SPTLC3: variants seen among roughly 807,000 people sequenced by gnomAD.
SPTLC3 encodes the protein serine palmitoyltransferase long chain base subunit 3.
A neutral mutation model predicts 59.3 loss-of-function variants in SPTLC3; 36 were observed. The ratio of observed to expected loss-of-function variants is 0.61; its 90% CI spans 0.47 to 0.80. The LOEUF is 0.80. Among genes scored for constraint, SPTLC3 ranks in the 30% least tolerant of loss-of-function variants. The pLI is 0.00. For missense variants in SPTLC3, 625 were observed against 685.1 expected, an observed-to-expected ratio of 0.91 and a Z score of 0.98; for synonymous variants, 257 against 240.8, an observed-to-expected ratio of 1.07 and a Z score of -0.62.
At chr20:13,124,214 A>G (rs1206843398) in intron 8 of SPTLC3, among the ~76,000 whole-genome samples, 1 of 152,038 alleles carries the variant, frequency 6.6e-6, no homozygotes, top group Non-Finnish European at 1.5e-5. Context: ...GACTAGCCTT[A>G]TGGTCCCTTT....
At chr20:13,037,008 C>A (rs1415049720) in intron 1 of SPTLC3, among the ~76,000 whole-genome samples, 1 of 152,110 alleles carries the variant, frequency 6.6e-6, no homozygotes, top group Non-Finnish European at 1.5e-5. Context: ...TAATCGAAAA[C>A]CAGTATTTTC....
At chr20:13,069,761 C>T (rs567005939) in intron 2 of SPTLC3, among the ~76,000 whole-genome samples, 1 of 152,170 alleles carries the variant, frequency 6.6e-6, no homozygotes, top group Non-Finnish European at 1.5e-5. Flanking sequence ...AGTTCCAAAT[C>T]TGAAATTAAT....
At chr20:13,129,364 A>G (rs1410520182) in intron 9 of SPTLC3, among the ~76,000 whole-genome samples, 1 of 152,170 alleles carries the variant, frequency 6.6e-6, no homozygotes, top group Non-Finnish European at 1.5e-5. Flanking sequence ...TTTCCTCCAC[A>G]AGCTTTCTGC....
rs143377269 is a variant in SPTLC3 at position 13,135,580 on chromosome 20, T to G, written c.1279+8863T>G. 1.5e-3 allele frequency among the ~76,000 whole-genome samples: 235 copies of G among 152,356 alleles called. 1 individual carries two copies. Among genetic ancestry groups the G allele is most frequent in the African/African-American group, 5.4e-3 (226 of 41,592 alleles). ...CTATATATCTTACCAAGCACTTACT[T>G]TGCCTACTGGCTACTGTGTAGTTTT... On this transcript the variant is annotated intron_variant, in intron 9 of 11. Transcript: ENST00000399002.
At chr20:13,036,797 C>G (rs1479532275) in intron 1 of SPTLC3, among the ~76,000 whole-genome samples, 1 of 152,102 alleles carries the variant, frequency 6.6e-6, no homozygotes, top group African/African-American at 2.4e-5. Flanking sequence ...GTCCTGCCCC[C>G]TCCACTGAGA....
chr20:13,059,177 A>G (rs1190998441), intron 2 of SPTLC3, among the ~76,000 whole-genome samples: 1 of 152,230 alleles, frequency 6.6e-6, no homozygotes, highest in African/African-American at 2.4e-5. Flanking sequence ...GTTAAATTCA[A>G]AAAACTACAT....
chr20:13,042,001 G>T (rs1290083928), intron 1 of SPTLC3, among the ~76,000 whole-genome samples: 2 of 152,154 alleles, frequency 1.3e-5, no homozygotes, highest in African/African-American at 4.8e-5. Context: ...CTTGCTGCCG[G>T]ATTGCTCTAT....
intron 5 of SPTLC3, among the ~76,000 whole-genome samples, chr20:13,093,239 A>G (rs1989292401): frequency 6.6e-6 from 1 of 152,208 alleles, no homozygotes; most frequent in African/African-American, 2.4e-5. Flanking sequence ...GAACTTCTCT[A>G]CTGAAAACTA....
intron 1 of SPTLC3, among the ~76,000 whole-genome samples, chr20:13,031,880 A>G (rs1397718472): frequency 6.6e-6 from 1 of 152,188 alleles, no homozygotes; most frequent in Non-Finnish European, 1.5e-5. Context: ...TGTGGATTTG[A>G]GAGGATCAAC....
chr20:13,031,726 T>C (rs1986470990), intron 1 of SPTLC3, among the ~76,000 whole-genome samples: 1 of 152,162 alleles, frequency 6.6e-6, no homozygotes, highest in Admixed American at 6.6e-5. Context: ...GAAGTCAAGC[T>C]TTGCACAGTG....
chr20:13,125,228 C>G (rs2037961182), intron 8 of SPTLC3, among the ~76,000 whole-genome samples: 1 of 152,152 alleles, frequency 6.6e-6, no homozygotes, highest in African/African-American at 2.4e-5. Flanking sequence ...TTACTTGGGA[C>G]CTTATATTTG....
chr20:13,040,122 C>G (rs1986913828), intron 1 of SPTLC3, among the ~76,000 whole-genome samples: 2 of 151,008 alleles, frequency 1.3e-5, no homozygotes, highest in African/African-American at 4.9e-5. Context: ...CATCAACTTT[C>G]TTATTTATCT....
intron 6 of SPTLC3, among the ~76,000 whole-genome samples, chr20:13,109,063 C>T (rs1011757861): frequency 5.3e-5 from 8 of 152,080 alleles, no homozygotes; most frequent in South Asian, 4.1e-4. Flanking sequence ...TCTTGCTAGG[C>T]TTAAATGTTA....
chr20:13,128,871 A>AT lies in SPTLC3; in HGVS notation c.1279+2175dup, dbSNP rs35981991. 2.7e-3 allele frequency among the ~76,000 whole-genome samples: 311 copies of AT among 114,212 alleles called. 1 individual carries two copies. Among genetic ancestry groups the AT allele is most frequent in the East Asian group, 7.4e-3 (30 of 4,040 alleles). The allele number at this position is 114,212 out of a possible 152,430, so 74.9% of individuals were successfully genotyped here. On this transcript the variant is annotated intron_variant, in intron 9 of 11. Transcript: ENST00000399002. ...AGGCATGCACCACCATGCCCAGCTA[A>AT]TTTTTTTTTTTTTTTTTTTTTGGAG...
chr20:13,015,595 T>G (rs1985488262), intron 1 of SPTLC3, among the ~76,000 whole-genome samples: 1 of 152,174 alleles, frequency 6.6e-6, no homozygotes, highest in Non-Finnish European at 1.5e-5. Flanking sequence ...AGTTTCTGTG[T>G]AAGTCCAGTA....
intron 4 of SPTLC3, among the ~76,000 whole-genome samples, chr20:13,080,375 G>T (rs1019251902): frequency 6.6e-6 from 1 of 151,976 alleles, no homozygotes; most frequent in Non-Finnish European, 1.5e-5. Context: ...GGATGTGGTG[G>T]CATGCGCCTG....
chr20:13,093,470 T>G lies in SPTLC3; in HGVS notation c.733-14T>G. 6.2e-7 allele frequency: 1 copy of G among 1,611,472 alleles called. No individual in the cohort carries two copies. Among genetic ancestry groups the G allele is most frequent in the Non-Finnish European group, 8.5e-7 (1 of 1,178,246 alleles). On this transcript the variant is annotated splice_polypyrimidine_tract_variant and intron_variant, in intron 5 of 11. Coordinates refer to ENST00000399002, the MANE Select transcript of SPTLC3 (RefSeq NM_018327.4). ...TTTATTGGCTTGTGTTTTGTGTGCT[T>G]GTTTTCTGCACAGGGATGCCTCATT...
chr20:13,159,889 A>C, intron 10 of SPTLC3, 114 bp from the exon 11 acceptor site: 1 of 1,344,036 alleles, frequency 7.4e-7, no homozygotes, highest in African/African-American at 1.5e-5. Flanking sequence ...ATTATCATAA[A>C]AAAGAAAAAA....
chr20:13,026,150 C>G (rs1171577728), intron 1 of SPTLC3, among the ~76,000 whole-genome samples: 1 of 152,112 alleles, frequency 6.6e-6, no homozygotes, highest in Non-Finnish European at 1.5e-5. Context: ...TAGGTTGATT[C>G]CATGTCTTTG....
Sources: allele counts gnomAD v4.1 joint callset (sites outside exome capture counted in the v4.1 genomes callset), GRCh38; gene constraint gnomAD v4.1.1; transcripts MANE v1.5; gene names NCBI Gene and HGNC (gene_info 2026-07-23, HGNC 2026-07-21).